CADM2: variants seen among roughly 807,000 people sequenced by gnomAD.
CADM2 encodes immunoglobulin superfamily member 4D.
CADM2 carries 12 observed loss-of-function variants against 49.8 expected under a neutral mutation model. The ratio of observed to expected loss-of-function variants is 0.24; its 90% CI spans 0.15 to 0.39. CADM2 has a LOEUF of 0.39. Among genes scored for constraint, CADM2 ranks in the 10% least tolerant of loss-of-function variants. The probability of loss-of-function intolerance (pLI) is 1.00; values close to 1 mark genes in which losing one functional copy is unlikely to be tolerated. For missense variants in CADM2, 378 were observed against 492.3 expected, an observed-to-expected ratio of 0.77 and a Z score of 2.20; for synonymous variants, 214 against 175.4, an observed-to-expected ratio of 1.22 and a Z score of -1.74.
At chr3:85,981,503 C>T (rs1292862141) in intron 8 of CADM2, among the ~76,000 whole-genome samples, 2 of 151,534 alleles carry the variant, frequency 1.3e-5, no homozygotes, top group Non-Finnish European at 3.0e-5. Context: ...TCCTCACCCT[C>T]CTGGACCCTC....
Position 85,098,541 on chromosome 3 carries a change from T to A in CADM2, c.61+138873T>A, listed in dbSNP as rs1167458062. Among the ~76,000 whole-genome samples, 3 of 152,252 alleles carry A rather than the reference T, an allele frequency of 2.0e-5. No individual in the cohort carries two copies. The East Asian group carries it at 5.8e-4, about 29-fold the overall frequency. Reference sequence around the variant, plus strand: ...AATTTGGATGTAAGGGGGAGATAAGTCACTGTAATTTATTATCTCCTTATT... The same window carrying A: ...AATTTGGATGTAAGGGGGAGATAAGACACTGTAATTTATTATCTCCTTATT... On this transcript the variant is annotated intron_variant, in intron 1 of 9. Coordinates refer to ENST00000383699, the MANE Select transcript of CADM2 (RefSeq NM_001167675.2).
chr3:85,707,803 C>G (rs1055731844), intron 1 of CADM2, among the ~76,000 whole-genome samples: 5 of 152,228 alleles, frequency 3.3e-5, no homozygotes, highest in Non-Finnish European at 5.9e-5. Context: ...ATCTTTCTAA[C>G]AGCATGTACT....
At chr3:85,562,127 T>C (rs2062111357) in intron 1 of CADM2, among the ~76,000 whole-genome samples, 1 of 152,126 alleles carries the variant, frequency 6.6e-6, no homozygotes, top group African/African-American at 2.4e-5. Flanking sequence ...TTAAATATTA[T>C]ATACCATTTT....
At chr3:86,010,165 A>G (rs1456021439) in intron 8 of CADM2, among the ~76,000 whole-genome samples, 2 of 152,030 alleles carry the variant, frequency 1.3e-5, no homozygotes, top group Non-Finnish European at 2.9e-5. Flanking sequence ...GTAATATTAC[A>G]TATTGGAAAA....
chr3:85,394,179 A>G (rs1006503642), intron 1 of CADM2, among the ~76,000 whole-genome samples: 1 of 152,190 alleles, frequency 6.6e-6, no homozygotes, highest in Non-Finnish European at 1.5e-5. Context: ...AATTTTTTTA[A>G]TTTGAATTAT....
At chr3:85,629,819 A>T (rs2064250878) in intron 1 of CADM2, among the ~76,000 whole-genome samples, 1 of 152,016 alleles carries the variant, frequency 6.6e-6, no homozygotes, top group East Asian at 1.9e-4. Context: ...AACAAAATTG[A>T]CTAGAAATGA....
At chr3:85,197,698 A>G (rs1274880262) in intron 1 of CADM2, among the ~76,000 whole-genome samples, 1 of 152,000 alleles carries the variant, frequency 6.6e-6, no homozygotes. Flanking sequence ...TGTAAATCGC[A>G]CAAGTCAGCA....
At chr3:85,475,354 C>G (rs1261175833) in intron 1 of CADM2, among the ~76,000 whole-genome samples, 1 of 151,814 alleles carries the variant, frequency 6.6e-6, no homozygotes, top group African/African-American at 2.4e-5. Flanking sequence ...GTGACTTTAC[C>G]AATTAGTATA....
At chr3:85,430,622 G>T (rs2036616552) in intron 1 of CADM2, among the ~76,000 whole-genome samples, 1 of 147,204 alleles carries the variant, frequency 6.8e-6, no homozygotes, top group South Asian at 2.3e-4. Context: ...CGGTGGGGGG[G>T]AGTAAAAGGG....
chr3:86,029,319 G>T (rs1024282872), intron 8 of CADM2, among the ~76,000 whole-genome samples: 2 of 152,062 alleles, frequency 1.3e-5, no homozygotes, highest in Middle Eastern at 6.3e-3. Context: ...TTTAGGAGAT[G>T]ATTACTCAAG....
intron 1 of CADM2, among the ~76,000 whole-genome samples, chr3:85,669,651 G>A (rs1037432897): frequency 2.6e-5 from 4 of 152,154 alleles, no homozygotes; most frequent in Middle Eastern, 3.4e-3. Flanking sequence ...TAATACTTTT[G>A]TAAAAGACAG....
chr3:85,125,541 G>A (rs935244087), intron 1 of CADM2, among the ~76,000 whole-genome samples: 2 of 151,958 alleles, frequency 1.3e-5, no homozygotes, highest in South Asian at 2.1e-4. Context: ...TCTATTTTTC[G>A]TAGAGACAGG....
In CADM2 at chr3:84,959,250, C is replaced by T. The variant is rs2030202663; in HGVS notation, c.-358C>T. The stretch of plus-strand genomic sequence containing the variant: ...CCTCGCCCGCACCTTCTCCAACACC[C>T]CGGCATCCCTGCACCACCTGCTCGG... On this transcript the variant is annotated 5_prime_UTR_variant, in exon 1 of 10. Transcript: ENST00000383699. 2 of 402,934 alleles carry T rather than the reference C, an allele frequency of 5.0e-6. No homozygotes were observed. Among genetic ancestry groups the T allele is most frequent in the Admixed American group, 4.3e-5 (1 of 23,266 alleles). 25.0% of individuals were successfully genotyped at this position (402,934 alleles called of 1,614,324 possible). A position where few individuals can be genotyped will look rare whatever the true frequency, so the allele number is the denominator to read the frequency against.
At chr3:85,306,781 A>G (rs1356804251) in intron 1 of CADM2, among the ~76,000 whole-genome samples, 6 of 151,788 alleles carry the variant, frequency 4.0e-5, no homozygotes, top group Non-Finnish European at 7.4e-5. Context: ...TATTGCTTTC[A>G]TGCCTATACT....
chr3:85,211,085 C>T (rs2041766537), intron 1 of CADM2, among the ~76,000 whole-genome samples: 1 of 152,108 alleles, frequency 6.6e-6, no homozygotes, highest in African/African-American at 2.4e-5. Flanking sequence ...AATGATCACT[C>T]ATAGTAGTCA....
intron 1 of CADM2, among the ~76,000 whole-genome samples, chr3:85,254,143 C>G (rs2042834441): frequency 6.6e-6 from 1 of 152,036 alleles, no homozygotes; most frequent in South Asian, 2.1e-4. Flanking sequence ...GAGTACCTCA[C>G]AGTACTCAGG....
At chr3:85,515,525 C>G (rs1015754497) in intron 1 of CADM2, among the ~76,000 whole-genome samples, 1 of 148,586 alleles carries the variant, frequency 6.7e-6, no homozygotes, top group Non-Finnish European at 1.5e-5. Flanking sequence ...CGGGTTCAAG[C>G]GATTCTCCTG....
At chr3:85,674,866 A>C (rs1377342717) in intron 1 of CADM2, among the ~76,000 whole-genome samples, 2 of 152,260 alleles carry the variant, frequency 1.3e-5, no homozygotes, top group African/African-American at 4.8e-5. Flanking sequence ...GAGACACTAA[A>C]GTTTTTCATA....
intron 1 of CADM2, among the ~76,000 whole-genome samples, chr3:85,069,083 A>G (rs1027811051): frequency 2.0e-5 from 3 of 152,096 alleles, no homozygotes; most frequent in Non-Finnish European, 4.4e-5. Context: ...GAATGGCTCA[A>G]TTATGGCCGT....
Sources: gnomAD v4.1 joint callset for allele counts (sites outside exome capture counted in the v4.1 genomes callset) on GRCh38, gnomAD v4.1.1 for gene constraint, MANE v1.5 for transcripts, NCBI Gene and HGNC (gene_info 2026-07-23, HGNC 2026-07-21) for gene names.